Variants in ARID4B observed in about 807,000 individuals in gnomAD.
ARID4B encodes AT-rich interactive domain-containing protein 4B.
In ARID4B, 26 loss-of-function variants were observed where a neutral mutation model predicts 147.5. That is an observed-to-expected ratio of 0.18 (90% confidence interval 0.13 to 0.24). The LOEUF is 0.24. Among genes scored for constraint, ARID4B ranks in the 10% least tolerant of loss-of-function variants. The pLI, the probability that ARID4B is intolerant of heterozygous loss-of-function variation, is 1.00. For synonymous variants in ARID4B, 512 were observed against 507.9 expected (o/e 1.01, Z -0.11); for missense variants, 1,179 against 1,511.5 (o/e 0.78, Z 3.65).
At chr1:235,274,993 TTGTGTGTGTG>T (rs72168611) in intron 2 of ARID4B, among the ~76,000 whole-genome samples, 14 of 148,422 alleles carry the variant, frequency 9.4e-5, no homozygotes, top group African/African-American at 1.5e-4. Context: ...AGGCCTAATT[TTGTGTGTGTG>T]TGTGTGTGTG....
At chr1:235,266,863 A>G (rs954065291) in intron 2 of ARID4B, among the ~76,000 whole-genome samples, 1 of 152,252 alleles carries the variant, frequency 6.6e-6, no homozygotes, top group South Asian at 2.1e-4. Context: ...TTTAAAAAGC[A>G]AAACATGCTA....
chr1:235,270,546 G>A (rs1354428026), intron 2 of ARID4B, among the ~76,000 whole-genome samples: 3 of 152,182 alleles, frequency 2.0e-5, no homozygotes, highest in African/African-American at 7.2e-5. Context: ...AATATTAACA[G>A]AAGAGTATCT....
In ARID4B at chr1:235,215,547, A is replaced by ATGTGTGTGTGTGTGTG. The variant is rs370429662; in HGVS notation, c.1584-1537_1584-1522dup. ...TATATTACACCATGCACACATATAT[A>ATGTGTGTGTGTGTGTG]TGTGTGTGTGTGTGTGTGTGTGTGT... On this transcript the variant is annotated intron_variant, in intron 16 of 23. Coordinates refer to ENST00000264183, the MANE Select transcript of ARID4B (RefSeq NM_016374.6). Among the ~76,000 whole-genome samples the ATGTGTGTGTGTGTGTG allele has an allele frequency of 6.1e-3, 834 of 136,404 alleles. 8 individuals carry two copies. The highest frequency in any genetic ancestry group is 0.011 in the South Asian group (45 of 3,936). The allele number at this position is 136,404 out of a possible 152,430, so 89.5% of individuals were successfully genotyped here.
Position 235,252,715 on chromosome 1 carries a change from TAA to T in ARID4B, c.354+13_354+14del, listed in dbSNP as rs1194079694. On this transcript the variant is annotated intron_variant, in intron 6 of 23. Coordinates refer to ENST00000264183, the MANE Select transcript of ARID4B (RefSeq NM_016374.6). ...AAAATATTAAGACATGTTCATTTGT[TAA>T]ATGATGACTTACTTCACTTTCAGCA... The T allele has an allele frequency of 1.9e-6, 3 of 1,605,336 alleles. No homozygotes were observed. The highest frequency in any genetic ancestry group is 1.3e-5 in the African/African-American group (1 of 74,548).
At chr1:235,209,233 C>A (rs981330703) in intron 17 of ARID4B, among the ~76,000 whole-genome samples, 1 of 152,074 alleles carries the variant, frequency 6.6e-6, no homozygotes, top group Non-Finnish European at 1.5e-5. Context: ...CCACCACTTA[C>A]GGGGGCAGAG....
intron 2 of ARID4B, among the ~76,000 whole-genome samples, chr1:235,299,098 C>G (rs1289306040): frequency 6.6e-6 from 1 of 152,194 alleles, no homozygotes; most frequent in Non-Finnish European, 1.5e-5. Context: ...AAAAAAAAAG[C>G]AGTCTTACTG....
intron 20 of ARID4B, chr1:235,180,058 A>G (rs1664192914): frequency 6.7e-6 from 1 of 149,736 alleles, no homozygotes; most frequent in African/African-American, 2.4e-5. Context: ...CAACAGAGCG[A>G]GACTCCATCT....
chr1:235,173,790 A>ACC (rs1663616398), intron 22 of ARID4B, among the ~76,000 whole-genome samples: 1 of 72,156 alleles, frequency 1.4e-5, no homozygotes, highest in Non-Finnish European at 2.6e-5. Flanking sequence ...ATATATATAT[A>ACC]TATATATATA....
chr1:235,239,843 C>T (rs1333544934), intron 8 of ARID4B, among the ~76,000 whole-genome samples: 1 of 152,096 alleles, frequency 6.6e-6, no homozygotes, highest in Non-Finnish European at 1.5e-5. Context: ...TAACAATCTA[C>T]TGTAGAGAAA....
chr1:235,252,844 GA>G (rs1449457891), intron 5 of ARID4B, 35 bp from the exon 6 acceptor site: 1 of 1,567,890 alleles, frequency 6.4e-7, no homozygotes, highest in South Asian at 1.1e-5. Context: ...GCTACTGAAG[GA>G]TTTTTTCAAA....
chr1:235,327,107 G>T, intron 1 of ARID4B, 139 bp from the exon 2 acceptor site: 1 of 615,114 alleles, frequency 1.6e-6, no homozygotes, highest in Non-Finnish European at 2.9e-6. Context: ...ACCATCACAC[G>T]CCGACTCGGG....
At position 235,252,727 on chromosome 1, in the gene ARID4B, T is replaced by C; in HGVS notation, c.354+3A>G. The C allele has an allele frequency of 6.2e-7, 1 of 1,610,184 alleles. No individual in the cohort carries two copies. Among genetic ancestry groups the C allele is most frequent in the South Asian group, 1.1e-5 (1 of 90,448 alleles). ...CATGTTCATTTGTTAAATGATGACT[T>C]ACTTCACTTTCAGCAAAATGCCTCT... On this transcript the variant is annotated splice_donor_region_variant and intron_variant, in intron 6 of 23. Coordinates refer to ENST00000264183, the MANE Select transcript of ARID4B (RefSeq NM_016374.6).
chr1:235,229,631 TTAAA>T (rs1332938213), intron 10 of ARID4B, among the ~76,000 whole-genome samples: 1 of 152,198 alleles, frequency 6.6e-6, no homozygotes, highest in African/African-American at 2.4e-5. Flanking sequence ...TTACTTAAGT[TTAAA>T]TAAATAAAAG....
At chr1:235,233,573 C>T (rs1668374730) in intron 9 of ARID4B, among the ~76,000 whole-genome samples, 1 of 152,184 alleles carries the variant, frequency 6.6e-6, no homozygotes, top group Admixed American at 6.5e-5. Context: ...AAATATCTGG[C>T]TTCTCTAGTC....
intron 17 of ARID4B, among the ~76,000 whole-genome samples, chr1:235,203,394 A>G (rs1406348517): frequency 6.6e-6 from 1 of 152,246 alleles, no homozygotes; most frequent in Non-Finnish European, 1.5e-5. Context: ...CATATAGTTA[A>G]TATATACCTA....
intron 6 of ARID4B, among the ~76,000 whole-genome samples, chr1:235,248,013 G>A (rs1000495337): frequency 6.6e-6 from 1 of 151,982 alleles, no homozygotes; most frequent in African/African-American, 2.4e-5. Flanking sequence ...AAAATTATTT[G>A]GAGGCAAAAA....
Position 235,182,549 on chromosome 1 carries a change from G to A in ARID4B, c.2370C>T (p.Ser790=), listed in dbSNP as rs201605225. 45 of 1,612,302 alleles carry A rather than the reference G, an allele frequency of 2.8e-5. No homozygotes were observed. Among genetic ancestry groups the A allele is most frequent in the South Asian group, 5.5e-5 (5 of 90,746 alleles). Residue 790 remains serine (S), a synonymous_variant, in exon 20 of 24, where the codon TCC becomes TCT. Coordinates refer to ENST00000264183, the MANE Select transcript of ARID4B (RefSeq NM_016374.6). ...ERLRKDIEVL[S]EDTDYEEDEV... is the part of the protein sequence containing the mutation. ...CATCTTCTTCATAATCAGTATCTTC[G>A]GATAATACTTCTATATCTTTCCTTA...
At chr1:235,302,151 C>CG (rs1465968316) in intron 2 of ARID4B, among the ~76,000 whole-genome samples, 4 of 8,110 alleles carry the variant, frequency 4.9e-4, no homozygotes, top group African/African-American at 2.2e-3. Flanking sequence ...TCTCAAAAAA[C>CG]GGAAAAAAAA....
intron 2 of ARID4B, among the ~76,000 whole-genome samples, chr1:235,301,366 T>C (rs769052702): frequency 5.3e-5 from 8 of 151,418 alleles, no homozygotes; most frequent in African/African-American, 7.3e-5. Flanking sequence ...GGTGAAACCT[T>C]GTCTTTACAA....
Sources: gnomAD v4.1 joint callset for allele counts (sites outside exome capture counted in the v4.1 genomes callset) on GRCh38, gnomAD v4.1.1 for gene constraint, MANE v1.5 for transcripts, NCBI Gene and HGNC (gene_info 2026-07-23, HGNC 2026-07-21) for gene names.